PIK3R6: variants seen among roughly 807,000 people sequenced by gnomAD.
PIK3R6 encodes phosphoinositide 3-kinase regulatory subunit 6.
Under a neutral mutation model 84.9 loss-of-function variants are expected in PIK3R6, and 91 were observed. The observed-to-expected ratio is 1.07, with a 90% CI of 0.90 to 1.28. The LOEUF is 1.28. Ranked by LOEUF, PIK3R6 falls within the 50% of genes most tolerant of loss-of-function variation. PIK3R6 has a pLI of 0.00. For missense variants in PIK3R6, 996 were observed against 985.1 expected, an observed-to-expected ratio of 1.01 and a Z score of -0.15; for synonymous variants, 416 against 411.4, an observed-to-expected ratio of 1.01 and a Z score of -0.13.
At chr17:8,851,372 T>A (rs1330619340) in intron 1 of PIK3R6, among the ~76,000 whole-genome samples, 1 of 151,406 alleles carries the variant, frequency 6.6e-6, no homozygotes, top group Admixed American at 6.6e-5. Flanking sequence ...GGTGGGCGCC[T>A]GTAGTCCCAG....
intron 1 of PIK3R6, among the ~76,000 whole-genome samples, chr17:8,861,125 C>G (rs536040662): frequency 6.8e-6 from 1 of 147,748 alleles, no homozygotes; most frequent in African/African-American, 2.5e-5. Context: ...GAAGTTGCAG[C>G]GAGCCAAGAT....
At chr17:8,866,131 C>G (rs986895677) in intron 1 of PIK3R6, among the ~76,000 whole-genome samples, 1 of 152,180 alleles carries the variant, frequency 6.6e-6, no homozygotes, top group African/African-American at 2.4e-5. Flanking sequence ...TTGCTTAAAA[C>G]CTCCGTGCCT....
At position 8,844,804 on chromosome 17, in the gene PIK3R6, T is replaced by G. The variant is rs1282229265; in HGVS notation, c.13+4978A>C. ...ACTAGTACCCACACTAACTAGTTTT[T>G]CAACTCTTGCCCCTTTCCCTCCCTC... is the stretch of plus-strand genomic sequence containing the variant. On this transcript the variant is annotated intron_variant, in intron 2 of 19. Coordinates refer to ENST00000619866, the MANE Select transcript of PIK3R6 (RefSeq NM_001010855.4). This position sits in a 1 kb window ranked among gnomAD's most constrained non-coding sequence, Gnocchi z 4.5. 6.6e-6 allele frequency among the ~76,000 whole-genome samples: 1 copy of G among 152,022 alleles called. No homozygotes were observed. Among genetic ancestry groups the G allele is most frequent in the Admixed American group, 6.6e-5 (1 of 15,248 alleles).
intron 2 of PIK3R6, among the ~76,000 whole-genome samples, chr17:8,841,714 C>A (rs1162149345): frequency 6.6e-6 from 1 of 151,018 alleles, no homozygotes; most frequent in Admixed American, 6.6e-5. Context: ...AAAAAAAAAA[C>A]CATGAAAGTG....
At chr17:8,861,664 G>A (rs1044561788) in intron 1 of PIK3R6, among the ~76,000 whole-genome samples, 3 of 152,130 alleles carry the variant, frequency 2.0e-5, no homozygotes, top group African/African-American at 4.8e-5. Context: ...ATAAACTGTC[G>A]TGGTATCACA....
intron 10 of PIK3R6, among the ~76,000 whole-genome samples, chr17:8,829,395 C>CATGCA (rs2088107234): frequency 1.3e-5 from 2 of 149,846 alleles, no homozygotes; most frequent in African/African-American, 4.9e-5. Context: ...GACACACACG[C>CATGCA]ATGCACACAT....
chr17:8,863,823 C>T (rs981739638), intron 1 of PIK3R6, among the ~76,000 whole-genome samples: 17 of 152,132 alleles, frequency 1.1e-4, no homozygotes, highest in Non-Finnish European at 2.1e-4. Context: ...CGTGAGCCAC[C>T]GCGCCCGGCC....
rs181404404 is a variant in PIK3R6, at chr17:8,819,132, T to C, written c.1946A>G (p.Asn649Ser). Residue 649 changes from asparagine (N) to serine (S), a missense_variant, in exon 18 of 20, where the codon AAC becomes AGC. Physicochemically the swap from Asn to Ser is conservative, Grantham distance 46 (BLOSUM62 1). Coordinates refer to ENST00000619866, the MANE Select transcript of PIK3R6 (RefSeq NM_001010855.4). ...GGAGGACTTGACAACCTCTGTCACG[T>C]TGACATTCAGACATGTGTGGTCTGT... Reference protein sequence around the residue: ...PVTDHTCLNVNVTEVVKSSNL... With the variant: ...PVTDHTCLNVSVTEVVKSSNL... The C allele has an allele frequency of 5.4e-5, 87 of 1,610,414 alleles. No individual in the cohort carries two copies. The highest frequency in any genetic ancestry group is 1.8e-4 in the East Asian group (8 of 44,856).
intron 13 of PIK3R6, 41 bp from the exon 14 acceptor site, chr17:8,823,538 G>C (rs754455723): frequency 7.3e-7 from 1 of 1,370,490 alleles, no homozygotes; most frequent in African/African-American, 1.4e-5. Context: ...ACTCCCCCAA[G>C]GCCACTGTGG....
intron 9 of PIK3R6, among the ~76,000 whole-genome samples, chr17:8,831,189 G>A (rs2088225731): frequency 6.7e-6 from 1 of 150,118 alleles, no homozygotes; most frequent in Admixed American, 6.7e-5. Flanking sequence ...GCTTAGCCAG[G>A]TGTGGTGGCA....
Position 8,850,121 on chromosome 17 carries a change from T to C in PIK3R6, c.-91-236A>G, listed in dbSNP as rs1425036800. On this transcript the variant is annotated intron_variant, in intron 1 of 19. Coordinates refer to ENST00000619866, the MANE Select transcript of PIK3R6 (RefSeq NM_001010855.4). Reference sequence around the variant, plus strand: ...GAGTTCGAGACCAGCCCAACAAACATGGTGAAACCCCGTCTCTACTAAAAA... The same window carrying C: ...GAGTTCGAGACCAGCCCAACAAACACGGTGAAACCCCGTCTCTACTAAAAA... 8.6e-5 allele frequency among the ~76,000 whole-genome samples: 13 copies of C among 152,018 alleles called. 1 individual carries two copies. The East Asian group carries it at 2.5e-3, about 29-fold the overall frequency.
intron 18 of PIK3R6, among the ~76,000 whole-genome samples, chr17:8,818,852 G>A (rs1165097106): frequency 6.6e-6 from 1 of 152,124 alleles, no homozygotes; most frequent in Non-Finnish European, 1.5e-5. Context: ...GCAGATGGAG[G>A]GCAGGGCTTT....
intron 16 of PIK3R6, 46 bp from the exon 17 acceptor site, chr17:8,821,982 C>T (rs1302550943): frequency 6.9e-7 from 1 of 1,455,502 alleles, no homozygotes; most frequent in Non-Finnish European, 9.4e-7. Context: ...CAGGACATAC[C>T]CTTTCCCCAT....
chr17:8,829,701 C>T lies in PIK3R6; in HGVS notation c.889+5G>A, dbSNP rs1259383341. On this transcript the variant is annotated splice_donor_5th_base_variant and intron_variant, in intron 10 of 19. Coordinates refer to ENST00000619866, the MANE Select transcript of PIK3R6 (RefSeq NM_001010855.4). ...CTGTTTCCAGACAGCTCCATGGGCA[C>T]GTACAGAGCTGCTCCTCACCGGTCC... 2.6e-6 allele frequency: 4 copies of T among 1,551,918 alleles called. No homozygotes were observed. The highest frequency in any genetic ancestry group is 3.5e-6 in the Non-Finnish European group (4 of 1,147,214).
At chr17:8,829,454 CCA>C (rs770578171) in intron 10 of PIK3R6, among the ~76,000 whole-genome samples, 11 of 137,994 alleles carry the variant, frequency 8.0e-5, no homozygotes, top group Admixed American at 1.5e-4. Flanking sequence ...TGACACGCAT[CCA>C]CACACATACA....
At chr17:8,835,172 G>T in intron 8 of PIK3R6, 101 bp downstream of exon 8, 2 of 1,215,456 alleles carry the variant, frequency 1.6e-6, no homozygotes, top group South Asian at 2.0e-5. Context: ...GGGAAAAGGT[G>T]ATGCGAAACA....
At position 8,803,743 on chromosome 17, in the gene PIK3R6, G is replaced by C. The variant is rs1443329909; in HGVS notation, c.2108+298C>G. ...CCACAGGTCAGCCTGTGTGGGAGGG[G>C]CCCGTGCCTGCAGAGGGGACTGGAT... On this transcript the variant is annotated intron_variant, in intron 19 of 19. Transcript: ENST00000619866. The surrounding 1 kb of genome is among the most constrained non-coding windows in gnomAD (Gnocchi z 5.0). The C allele has an allele frequency of 1.8e-6, 1 of 555,716 alleles. No individual in the cohort carries two copies. Among genetic ancestry groups the C allele is most frequent in the Non-Finnish European group, 3.2e-6 (1 of 311,588 alleles). 34.4% of individuals were successfully genotyped at this position (555,716 alleles called of 1,614,324 possible).
chr17:8,830,135 G>T (rs1259923255), intron 9 of PIK3R6, among the ~76,000 whole-genome samples: 1 of 152,190 alleles, frequency 6.6e-6, no homozygotes, highest in East Asian at 1.9e-4. Context: ...CTTTCCCACT[G>T]TTCTTAAAAT....
chr17:8,831,420 T>C (rs2088238494), intron 9 of PIK3R6, among the ~76,000 whole-genome samples: 1 of 145,532 alleles, frequency 6.9e-6, no homozygotes, highest in Non-Finnish European at 1.5e-5. Flanking sequence ...GCCCAGATGG[T>C]CTTAATTAAT....
Sources: gnomAD v4.1 joint callset for allele counts (sites outside exome capture counted in the v4.1 genomes callset) on GRCh38, gnomAD v4.1.1 for gene constraint, Gnocchi (gnomAD v3.1) non-coding constraint, MANE v1.5 for transcripts, NCBI Gene and HGNC (gene_info 2026-07-23, HGNC 2026-07-21) for gene names.